Variants in PPT1 observed in about 807,000 individuals in gnomAD.
PPT1 encodes the protein palmitoyl-protein thioesterase 1.
A neutral mutation model predicts 44.0 loss-of-function variants in PPT1; 24 were observed. The ratio of observed to expected loss-of-function variants is 0.54; its 90% confidence interval spans 0.39 to 0.77. The LOEUF (loss-of-function observed/expected upper bound fraction) is 0.77. Among genes scored for constraint, PPT1 ranks in the 30% least tolerant of loss-of-function variants. PPT1 has a pLI of 0.00. For missense variants in PPT1, 341 were observed against 378.8 expected (o/e 0.90, Z 0.83); for synonymous variants, 148 against 140.2 (o/e 1.06, Z -0.39).
chr1:40,076,742 G>C, intron 8 of PPT1, 100 bp downstream of exon 8: 1 of 1,603,292 alleles, frequency 6.2e-7, no homozygotes, highest in South Asian at 1.1e-5. Flanking sequence ...AGTGCTCTGA[G>C]GTGTAAAGGA....
At chr1:40,087,281 CATCT>C in intron 5 of PPT1, among the ~76,000 whole-genome samples, 1 of 152,016 alleles carries the variant, frequency 6.6e-6, no homozygotes, top group Non-Finnish European at 1.5e-5. Context: ...CTCACTCTGT[CATCT>C]AGGTTGGGGT....
At chr1:40,080,313 G>T in intron 6 of PPT1, 84 bp downstream of exon 6, 1 of 1,379,166 alleles carries the variant, frequency 7.3e-7, no homozygotes, top group Non-Finnish European at 1.0e-6. Context: ...GACAGTTTGG[G>T]TAAACAGTCA....
At chr1:40,075,149 G>C (rs1570450729) in intron 8 of PPT1, 3 of 152,454 alleles carry the variant, frequency 2.0e-5, no homozygotes, top group African/African-American at 7.2e-5. Flanking sequence ...TAGCTACTTG[G>C]GAGGCTGAGA....
Sources: gnomAD v4.1 joint callset for allele counts (sites outside exome capture counted in the v4.1 genomes callset) on GRCh38, gnomAD v4.1.1 for gene constraint, MANE v1.5 for transcripts, NCBI Gene and HGNC (gene_info 2026-07-23, HGNC 2026-07-21) for gene names.